SLCO3A1: variants seen among roughly 807,000 people sequenced by gnomAD.
The protein encoded by SLCO3A1 is solute carrier organic anion transporter family member 3A1, also known as PGE1 transporter.
In SLCO3A1, 27 loss-of-function variants were observed where a neutral mutation model predicts 63.1. The ratio of observed to expected loss-of-function variants is 0.43; its 90% CI spans 0.32 to 0.59. SLCO3A1 has a LOEUF of 0.59. Among genes scored for constraint, SLCO3A1 ranks in the 20% least tolerant of loss-of-function variants. SLCO3A1 has a pLI of 0.09. For missense variants in SLCO3A1, 773 were observed against 945.8 expected (o/e 0.82, Z 2.40); for synonymous variants, 473 against 409.9 (o/e 1.15, Z -1.86).
chr15:92,130,920 A>G (rs2047987457), intron 7 of SLCO3A1, among the ~76,000 whole-genome samples: 1 of 149,166 alleles, frequency 6.7e-6, no homozygotes, highest in South Asian at 2.1e-4. Context: ...CTCTTTGACA[A>G]GCTAAAACCT....
chr15:91,976,747 G>A (rs1318806635), intron 2 of SLCO3A1, among the ~76,000 whole-genome samples: 3 of 152,266 alleles, frequency 2.0e-5, no homozygotes, highest in Non-Finnish European at 2.9e-5. Context: ...GGTAGGTTCC[G>A]TGATGCCCCA....
chr15:91,905,034 A>G (rs1289158166), intron 1 of SLCO3A1, among the ~76,000 whole-genome samples: 1 of 152,234 alleles, frequency 6.6e-6, no homozygotes, highest in Non-Finnish European at 1.5e-5. Flanking sequence ...GCCAAGAGAA[A>G]AAGAAATGAG....
Position 92,005,914 on chromosome 15 carries a change from C to T in SLCO3A1, c.647-88967C>T, listed in dbSNP as rs138677517. ...CACTGACTTTGGGACTGAGCGAAAG[C>T]GTTTCTGAGACTCAGCCCTTCTAAC... On this transcript the variant is annotated intron_variant, in intron 2 of 9. Transcript: ENST00000318445. Among the ~76,000 whole-genome samples, 315 of 152,216 alleles carry T rather than the reference C, an allele frequency of 2.1e-3. 1 individual carries two copies. The highest frequency in any genetic ancestry group is 6.6e-3 in the African/African-American group (276 of 41,534).
Position 92,152,389 on chromosome 15 carries a change from A to G in SLCO3A1, c.1753+1375A>G, listed in dbSNP as rs562109993. On this transcript the variant is annotated intron_variant, in intron 9 of 9. Coordinates refer to ENST00000318445, the MANE Select transcript of SLCO3A1 (RefSeq NM_013272.4). ...AGACCTCAGAATGCTCTCAACCACTATCAATCCATGTTCCTTGGTATATAC... is the reference window on the plus strand; with the variant it reads ...AGACCTCAGAATGCTCTCAACCACTGTCAATCCATGTTCCTTGGTATATAC... Among the ~76,000 whole-genome samples, 138 of 152,322 alleles carry G rather than the reference A, an allele frequency of 9.1e-4. 1 individual carries two copies. Among genetic ancestry groups the G allele is most frequent in the African/African-American group, 3.2e-3 (134 of 41,582 alleles).
chr15:92,169,980 A>G (rs1317061064), downstream of SLCO3A1, among the ~76,000 whole-genome samples: 2 of 152,196 alleles, frequency 1.3e-5, no homozygotes, highest in Admixed American at 6.5e-5. Flanking sequence ...ATTATCATAA[A>G]TTTTGAATTT....
chr15:92,160,576 CTTAT>C lies in SLCO3A1; in HGVS notation c.1754-2174_1754-2171del, dbSNP rs1192706314. On this transcript the variant is annotated intron_variant, in intron 9 of 9. Coordinates refer to ENST00000318445, the MANE Select transcript of SLCO3A1 (RefSeq NM_013272.4). The stretch of plus-strand genomic sequence containing the variant: ...GTTGTGTGGGATTTTGAGCTTGGAG[CTTAT>C]TTATTAAATCGAGCTGCTTGGGAAG... Among the ~76,000 whole-genome samples, 6 of 152,256 alleles carry C rather than the reference CTTAT, an allele frequency of 3.9e-5. No homozygotes were observed. In the South Asian group the frequency reaches 1.0e-3, roughly 26 times the overall value.
intron 2 of SLCO3A1, among the ~76,000 whole-genome samples, chr15:91,945,127 G>A (rs753898742): frequency 4.6e-5 from 7 of 152,032 alleles, no homozygotes; most frequent in South Asian, 2.1e-4. Context: ...AGGCGATCAC[G>A]AGGTCAGGAG....
chr15:92,024,967 A>T (rs144470285), intron 2 of SLCO3A1, among the ~76,000 whole-genome samples: 2 of 152,002 alleles, frequency 1.3e-5, no homozygotes, highest in Non-Finnish European at 2.9e-5. Flanking sequence ...TCATCCATTC[A>T]TCCATCCATC....
At chr15:91,947,130 G>C (rs1899834555) in intron 2 of SLCO3A1, among the ~76,000 whole-genome samples, 1 of 152,198 alleles carries the variant, frequency 6.6e-6, no homozygotes, top group Admixed American at 6.5e-5. Context: ...GAGGGCTGTG[G>C]AGGGCAGATC....
intron 1 of SLCO3A1, among the ~76,000 whole-genome samples, chr15:91,873,319 C>T (rs1897321394): frequency 6.6e-6 from 1 of 152,114 alleles, no homozygotes; most frequent in Non-Finnish European, 1.5e-5. Flanking sequence ...GAGTGTTCAG[C>T]CAGTTTCAGT....
intron 2 of SLCO3A1, among the ~76,000 whole-genome samples, chr15:91,926,433 T>C (rs1242104722): frequency 2.0e-5 from 3 of 152,158 alleles, no homozygotes; most frequent in Admixed American, 2.0e-4. Context: ...GCTCTTTTAC[T>C]TGACTGCAAT....
At chr15:91,983,602 T>C (rs1050118785) in intron 2 of SLCO3A1, among the ~76,000 whole-genome samples, 11 of 152,168 alleles carry the variant, frequency 7.2e-5, no homozygotes, top group African/African-American at 2.7e-4. Context: ...TACAAGTAAA[T>C]TACTTACATC....
In SLCO3A1 at chr15:91,918,369, G is replaced by A. The variant is rs142528002; in HGVS notation, c.646+1911G>A. Among the ~76,000 whole-genome samples, 857 of 152,270 alleles carry A rather than the reference G, an allele frequency of 5.6e-3. 7 individuals are homozygous for A. Among genetic ancestry groups the A allele is most frequent in the African/African-American group, 0.019 (794 of 41,550 alleles). On this transcript the variant is annotated intron_variant, in intron 2 of 9. Transcript: ENST00000318445. ...CATTCCTCTGTGATAAGTCTGAGTT[G>A]GGGGAGTGTCTCTTTGCATGACATA...
chr15:91,934,106 G>T (rs1229485965), intron 2 of SLCO3A1, among the ~76,000 whole-genome samples: 2 of 152,002 alleles, frequency 1.3e-5, no homozygotes, highest in Non-Finnish European at 2.9e-5. Context: ...AGAGACAAAG[G>T]GCTTTATTAC....
rs56305523 is a variant in SLCO3A1, at chr15:92,053,696, GT to G, written c.647-41171del. Reference sequence around the variant, plus strand: ...GTTTTGTTTTTTTGTTTGTTTGTTTGTTTTTTTTTTTTTTACTTCTCATGGT... The same window carrying G: ...GTTTTGTTTTTTTGTTTGTTTGTTTGTTTTTTTTTTTTTACTTCTCATGGT... On this transcript the variant is annotated intron_variant, in intron 2 of 9. Coordinates refer to ENST00000318445, the MANE Select transcript of SLCO3A1 (RefSeq NM_013272.4). 1.3e-3 allele frequency among the ~76,000 whole-genome samples: 32 copies of G among 23,910 alleles called. No individual in the cohort carries two copies. In the East Asian group the frequency reaches 0.016, roughly 12 times the overall value. The allele number at this position is 23,910 out of a possible 152,430, so 15.7% of individuals were successfully genotyped here.
intron 2 of SLCO3A1, among the ~76,000 whole-genome samples, chr15:91,971,394 CAAAAA>C (rs796386299): frequency 5.1e-5 from 2 of 39,388 alleles, no homozygotes; most frequent in Non-Finnish European, 4.7e-5. Flanking sequence ...GACTCCATCT[CAAAAA>C]AAAAAAAAAA....
Position 92,153,280 on chromosome 15 carries a change from A to ATAGG in SLCO3A1, c.1753+2269_1753+2272dup, listed in dbSNP as rs565834426. On this transcript the variant is annotated intron_variant, in intron 9 of 9. Transcript: ENST00000318445. ...AAATCATGAAAAAATACTCACTGTAATAGGTATGACACATTCTGACATTTT... is the reference window on the plus strand; with the variant it reads ...AAATCATGAAAAAATACTCACTGTAATAGGTAGGTATGACACATTCTGACATTTT... 1.5e-4 allele frequency among the ~76,000 whole-genome samples: 23 copies of ATAGG among 152,326 alleles called. No homozygotes were observed. The South Asian group carries it at 4.8e-3, about 32-fold the overall frequency.
At chr15:91,958,448 G>A (rs565338861) in intron 2 of SLCO3A1, among the ~76,000 whole-genome samples, 67 of 152,292 alleles carry the variant, frequency 4.4e-4, no homozygotes, top group Non-Finnish European at 8.1e-4. Context: ...TTTGAATGCC[G>A]CCTCTCCCAT....
intron 2 of SLCO3A1, among the ~76,000 whole-genome samples, chr15:91,943,947 T>C (rs974622502): frequency 2.0e-5 from 3 of 152,198 alleles, no homozygotes; most frequent in Non-Finnish European, 4.4e-5. Flanking sequence ...CATCCCTCGG[T>C]GGGTCCCTTG....
Sources: gnomAD v4.1 joint callset for allele counts (sites outside exome capture counted in the v4.1 genomes callset) on GRCh38, gnomAD v4.1.1 for gene constraint, MANE v1.5 for transcripts, NCBI Gene and HGNC (gene_info 2026-07-23, HGNC 2026-07-21) for gene names.